The following ZYG11B variants were observed in gnomAD, a reference collection of about 807,000 sequenced individuals.
ZYG11B encodes the protein protein zyg-11 homolog B.
A neutral mutation model predicts 82.4 loss-of-function variants in ZYG11B; 36 were observed. The ratio of observed to expected loss-of-function variants is 0.44; its 90% CI spans 0.33 to 0.58. The LOEUF (loss-of-function observed/expected upper bound fraction) is 0.58. Among genes scored for constraint, ZYG11B ranks in the 20% least tolerant of loss-of-function variants. ZYG11B has a pLI of 0.02. For missense variants in ZYG11B, 552 were observed against 895.6 expected (o/e 0.62, Z 4.90); for synonymous variants, 303 against 312.8 (o/e 0.97, Z 0.33).
At chr1:52,780,110 T>C in intron 4 of ZYG11B, 117 bp downstream of exon 4, 1 of 937,352 alleles carries the variant, frequency 1.1e-6, no homozygotes, top group Admixed American at 2.8e-5. Flanking sequence ...ATAATGTGAT[T>C]GATGACGTGT....
chr1:52,814,806 C>T (rs1243761861), intron 12 of ZYG11B, among the ~76,000 whole-genome samples: 1 of 152,064 alleles, frequency 6.6e-6, no homozygotes, highest in Non-Finnish European at 1.5e-5. Flanking sequence ...GAAGAAAAAG[C>T]ATCGTATTAA....
At chr1:52,810,178 A>G (rs1241017199) in intron 10 of ZYG11B, among the ~76,000 whole-genome samples, 1 of 152,164 alleles carries the variant, frequency 6.6e-6, no homozygotes, top group East Asian at 1.9e-4. Flanking sequence ...TACTGAAACA[A>G]GACCTTCCTG....
At chr1:52,730,169 C>T (rs942920889) in intron 1 of ZYG11B, among the ~76,000 whole-genome samples, 2 of 152,088 alleles carry the variant, frequency 1.3e-5, no homozygotes, top group Non-Finnish European at 2.9e-5. Context: ...AATTTGAGAA[C>T]TACTGGTCTA....
intron 10 of ZYG11B, among the ~76,000 whole-genome samples, chr1:52,802,700 A>G (rs1279208532): frequency 6.6e-6 from 1 of 151,942 alleles, no homozygotes; most frequent in Non-Finnish European, 1.5e-5. Flanking sequence ...AGAAAGAGAG[A>G]GAGAGAGAGA....
chr1:52,779,520 T>A (rs558130671), intron 3 of ZYG11B, among the ~76,000 whole-genome samples: 7 of 152,306 alleles, frequency 4.6e-5, no homozygotes, highest in Admixed American at 3.9e-4. Context: ...AGACAGAGTC[T>A]TGCTGTGTTG....
At position 52,791,384 on chromosome 1, in the gene ZYG11B, T is replaced by TA. The variant is rs561355295; in HGVS notation, c.1334+1317_1334+1318insA. 4.1e-3 allele frequency among the ~76,000 whole-genome samples: 631 copies of TA among 152,290 alleles called. 5 individuals carry two copies. Among genetic ancestry groups the TA allele is most frequent in the Non-Finnish European group, 7.3e-3 (498 of 68,024 alleles). On this transcript the variant is annotated intron_variant, in intron 6 of 13. Coordinates refer to ENST00000294353, the MANE Select transcript of ZYG11B (RefSeq NM_024646.3). ...TTTTTTATTTTATTTTATTTTTTTT[T>TA]TGAGATGGAATTTCACTCTTGTTGT... is the stretch of plus-strand genomic sequence containing the variant.
intron 1 of ZYG11B, among the ~76,000 whole-genome samples, chr1:52,727,142 C>G (rs1474089686): frequency 6.6e-6 from 1 of 152,066 alleles, no homozygotes; most frequent in East Asian, 1.9e-4. Context: ...CTCCGTGTTC[C>G]TTCTCCCCTT....
intron 8 of ZYG11B, among the ~76,000 whole-genome samples, chr1:52,798,621 A>G (rs1442423014): frequency 6.6e-6 from 1 of 152,108 alleles, no homozygotes; most frequent in African/African-American, 2.4e-5. Flanking sequence ...CAAAAATACA[A>G]AACACCTATC....
Position 52,727,822 on chromosome 1 carries a change from T to G in ZYG11B, c.30+1139T>G, listed in dbSNP as rs570131347. On this transcript the variant is annotated intron_variant, in intron 1 of 13. Transcript: ENST00000294353. The stretch of plus-strand genomic sequence containing the variant: ...GGGTTATAAGTGGTTTGCTGTACAT[T>G]TATTGAAAACATTGCTCCATCATAT... Among the ~76,000 whole-genome samples, 5 of 152,294 alleles carry G rather than the reference T, an allele frequency of 3.3e-5. No individual in the cohort carries two copies. The South Asian group carries it at 1.0e-3, about 32-fold the overall frequency.
chr1:52,816,621 G>T lies in ZYG11B; in HGVS notation c.2036G>T (p.Ser679Ile), dbSNP rs1645226308. 1 of 1,605,494 alleles carries T rather than the reference G, an allele frequency of 6.2e-7. No individual in the cohort carries two copies. Residue 679 changes from serine to isoleucine, a missense_variant, in exon 13 of 14, where the codon AGC becomes ATC. Physicochemically the swap from Ser to Ile is moderately radical, Grantham distance 142 (BLOSUM62 -2). This residue lies in a region of ZYG11B where 127 missense variants were observed against 163.4 expected (regional missense o/e 0.78). Transcript: ENST00000294353. ...GTTTGGGCCATGCAACATGTCTGCA[G>T]CAAGAATCGTATGTACCAAAAAAAA... Reference protein sequence around the residue: ...WAVWAMQHVCSKNPSRYCSML... With the variant: ...WAVWAMQHVCIKNPSRYCSML...
chr1:52,763,889 G>A (rs538070099), intron 2 of ZYG11B, among the ~76,000 whole-genome samples: 4 of 152,202 alleles, frequency 2.6e-5, no homozygotes, highest in South Asian at 2.1e-4. Context: ...GAAACATTAC[G>A]AATTGCTTCC....
chr1:52,743,220 C>G (rs1430811108), intron 1 of ZYG11B, among the ~76,000 whole-genome samples: 2 of 151,412 alleles, frequency 1.3e-5, no homozygotes, highest in African/African-American at 4.8e-5. Context: ...AGGGAGTCAT[C>G]ACCACTCCCT....
At chr1:52,807,251 C>T (rs760586330) in intron 10 of ZYG11B, among the ~76,000 whole-genome samples, 11 of 151,974 alleles carry the variant, frequency 7.2e-5, no homozygotes, top group Non-Finnish European at 1.6e-4. Flanking sequence ...ATCCACCAGC[C>T]TCGGCCTCCC....
intron 2 of ZYG11B, among the ~76,000 whole-genome samples, chr1:52,757,789 C>T (rs968570140): frequency 2.6e-5 from 4 of 152,176 alleles, no homozygotes; most frequent in African/African-American, 9.7e-5. Flanking sequence ...TGGGAAATCA[C>T]AGCCAATTTA....
At chr1:52,742,758 C>T (rs1349686318) in intron 1 of ZYG11B, among the ~76,000 whole-genome samples, 2 of 151,758 alleles carry the variant, frequency 1.3e-5, no homozygotes, top group Non-Finnish European at 2.9e-5. Flanking sequence ...AGGAGAATGG[C>T]CTGAAGCCGG....
chr1:52,807,185 A>G (rs1460126770), intron 10 of ZYG11B, among the ~76,000 whole-genome samples: 1 of 151,076 alleles, frequency 6.6e-6, no homozygotes, highest in East Asian at 1.9e-4. Context: ...TTTTTTAAGT[A>G]GAGACTGGGT....
intron 7 of ZYG11B, 139 bp downstream of exon 7, chr1:52,796,530 C>A: frequency 1.1e-6 from 1 of 929,170 alleles, no homozygotes; most frequent in Non-Finnish European, 1.6e-6. Context: ...TTCGATATTG[C>A]AGAATTTGGC....
At chr1:52,779,832 C>T in intron 3 of ZYG11B, 21 bp from the exon 4 acceptor site, 1 of 1,610,716 alleles carries the variant, frequency 6.2e-7, no homozygotes, top group South Asian at 1.1e-5. Flanking sequence ...ATTCTAAAAG[C>T]TAATCTGGTT....
At chr1:52,752,383 T>C (rs139285292) in intron 1 of ZYG11B, among the ~76,000 whole-genome samples, 1 of 152,194 alleles carries the variant, frequency 6.6e-6, no homozygotes, top group East Asian at 1.9e-4. Context: ...CCCCTAGCAC[T>C]TCAATGTGTG....
Sources: gnomAD v4.1 joint callset for allele counts (sites outside exome capture counted in the v4.1 genomes callset) on GRCh38, gnomAD v4.1.1 for gene constraint, gnomAD v4.1.1 regional missense constraint, MANE v1.5 for transcripts, NCBI Gene and HGNC (gene_info 2026-07-23, HGNC 2026-07-21) for gene names.